Variants in CYB5R3 observed in about 807,000 individuals in gnomAD.
CYB5R3 encodes the protein cytochrome b5 reductase 3.
In CYB5R3, 28 loss-of-function variants were observed where a neutral mutation model predicts 36.5. The observed-to-expected ratio is 0.77, with a 90% CI of 0.57 to 1.05. CYB5R3 has a LOEUF of 1.05. Ranked by LOEUF, CYB5R3 falls within the 50% of genes least tolerant of loss-of-function variation. The pLI, the probability that CYB5R3 is intolerant of heterozygous loss-of-function variation, is 0.00. For synonymous variants in CYB5R3, 181 were observed against 159.8 expected, an observed-to-expected ratio of 1.13 and a Z score of -1.00; for missense variants, 474 against 408.9, an observed-to-expected ratio of 1.16 and a Z score of -1.37.
Position 42,641,049 on chromosome 22 carries a change from G to T in CYB5R3, c.22-4203C>A, listed in dbSNP as rs575933277. On this transcript the variant is annotated intron_variant, in intron 1 of 8. Coordinates refer to ENST00000352397, the MANE Select transcript of CYB5R3 (RefSeq NM_000398.7). ...TTTTTGTATTTTTAGTAGAGACAGG[G>T]TTTCACCATGTTGGCCAGGCTGGTC... Among the ~76,000 whole-genome samples, 11 of 150,658 alleles carry T rather than the reference G, an allele frequency of 7.3e-5. No homozygotes were observed. The South Asian group carries it at 2.1e-3, about 29-fold the overall frequency.
intron 1 of CYB5R3, chr22:42,646,928 G>C (rs1929565736): frequency 3.0e-6 from 3 of 985,568 alleles, no homozygotes; most frequent in Middle Eastern, 5.2e-4. Flanking sequence ...AGCCGGGCTG[G>C]GAGGCAGGGG....
intron 7 of CYB5R3, among the ~76,000 whole-genome samples, chr22:42,625,422 C>G (rs888758203): frequency 6.6e-6 from 1 of 152,134 alleles, no homozygotes; most frequent in Admixed American, 6.5e-5. Context: ...GCAGGACAAT[C>G]GCTTGAACCC....
At chr22:42,640,099 C>T (rs765122495) in intron 1 of CYB5R3, 3 of 1,613,788 alleles carry the variant, frequency 1.9e-6, no homozygotes, top group African/African-American at 2.7e-5. Context: ...AGTCTGAGCA[C>T]TACTGACTAT....
chr22:42,631,134 G>A, intron 3 of CYB5R3, 146 bp from the exon 4 acceptor site: 1 of 837,666 alleles, frequency 1.2e-6, no homozygotes, highest in Non-Finnish European at 1.9e-6. Flanking sequence ...CCCCTCCCGG[G>A]GATTCCCCTC....
In CYB5R3 at chr22:42,638,728, TA is replaced by T. The variant is rs67349863; in HGVS notation, c.22-1883del. 1.1e-3 allele frequency among the ~76,000 whole-genome samples: 53 copies of T among 47,516 alleles called. 1 individual carries two copies. Among genetic ancestry groups the T allele is most frequent in the Admixed American group, 2.7e-3 (10 of 3,712 alleles). The allele number at this position is 47,516 out of a possible 152,430, so 31.2% of individuals were successfully genotyped here. ...GCCTGGGAGACAGAGCAAGACTCCA[TA>T]AAAAAAAAAAAAAAAAAAAAAGGCC... On this transcript the variant is annotated intron_variant, in intron 1 of 8. Coordinates refer to ENST00000352397, the MANE Select transcript of CYB5R3 (RefSeq NM_000398.7).
chr22:42,619,591 C>G lies in CYB5R3; in HGVS notation c.*182G>C, dbSNP rs998844675. 5 of 626,868 alleles carry G rather than the reference C, an allele frequency of 8.0e-6. No individual in the cohort carries two copies. Among genetic ancestry groups the G allele is most frequent in the South Asian group, 7.7e-5 (4 of 52,014 alleles). The allele number at this position is 626,868 out of a possible 1,614,324, so 38.8% of individuals were successfully genotyped here. Reference sequence around the variant, plus strand: ...CTCTGAAGGCTCAGCCGTGGCCCATCTGGGACACAGCCCTGCTCCCGAAGG... The same window carrying G: ...CTCTGAAGGCTCAGCCGTGGCCCATGTGGGACACAGCCCTGCTCCCGAAGG... On this transcript the variant is annotated 3_prime_UTR_variant, in exon 9 of 9. Coordinates refer to ENST00000352397, the MANE Select transcript of CYB5R3 (RefSeq NM_000398.7).
intron 8 of CYB5R3, 80 bp from the exon 9 acceptor site, chr22:42,620,025 A>C: frequency 7.5e-7 from 1 of 1,325,548 alleles, no homozygotes; most frequent in Non-Finnish European, 1.1e-6. Context: ...TAGGCGGTGA[A>C]TTCCTTAAAT....
At chr22:42,646,086 C>G (rs1476457629) in intron 1 of CYB5R3, among the ~76,000 whole-genome samples, 1 of 152,224 alleles carries the variant, frequency 6.6e-6, no homozygotes, top group East Asian at 1.9e-4. Flanking sequence ...GGAACAGGCT[C>G]TGCCCCGTCC....
chr22:42,627,202 A>C, intron 7 of CYB5R3, 102 bp downstream of exon 7: 1 of 993,150 alleles, frequency 1.0e-6, no homozygotes, highest in Non-Finnish European at 1.6e-6. Flanking sequence ...CATCCCCAGA[A>C]TCTCAGCAGA....
chr22:42,627,254 T>A lies in CYB5R3; in HGVS notation c.633+50A>T, dbSNP rs576524933. ...GAACAGCACCTGACCAGGCCCGAAGTCCCCTCTCAGGGTAAGCTGAGTTTC... is the reference window on the plus strand; with the variant it reads ...GAACAGCACCTGACCAGGCCCGAAGACCCCTCTCAGGGTAAGCTGAGTTTC... On this transcript the variant is annotated intron_variant, in intron 7 of 8. Coordinates refer to ENST00000352397, the MANE Select transcript of CYB5R3 (RefSeq NM_000398.7). 1.1e-5 allele frequency: 16 copies of A among 1,510,846 alleles called. No individual in the cohort carries two copies. The East Asian group carries it at 3.6e-4, about 34-fold the overall frequency. The allele number at this position is 1,510,846 out of a possible 1,614,324, so 93.6% of individuals were successfully genotyped here.
intron 8 of CYB5R3, 112 bp from the exon 9 acceptor site, chr22:42,620,057 T>C (rs946846074): frequency 1.8e-6 from 2 of 1,092,542 alleles, no homozygotes; most frequent in African/African-American, 3.1e-5. Context: ...GAGAGGCTGA[T>C]CCCAGCAAAC....
At chr22:42,640,920 G>A (rs12159362) in intron 1 of CYB5R3, among the ~76,000 whole-genome samples, 18 of 151,948 alleles carry the variant, frequency 1.2e-4, no homozygotes, top group African/African-American at 4.1e-4. Context: ...GCAGTGGCAC[G>A]GTCTCAGCTC....
Position 42,619,725 on chromosome 22 carries a change from A to AGGGCGTGGG in CYB5R3, c.*39_*47dup. On this transcript the variant is annotated 3_prime_UTR_variant, in exon 9 of 9. Coordinates refer to ENST00000352397, the MANE Select transcript of CYB5R3 (RefSeq NM_000398.7). ...GGGAGGTGACTGGGTGAGCGTGAACAGGGCGTGGGGTGCGCGGGGCGGGTG... is the reference window on the plus strand; with the variant it reads ...GGGAGGTGACTGGGTGAGCGTGAACAGGGCGTGGGGGGCGTGGGGTGCGCGGGGCGGGTG... 6.6e-7 allele frequency: 1 copy of AGGGCGTGGG among 1,515,664 alleles called. No individual in the cohort carries two copies. Among genetic ancestry groups the AGGGCGTGGG allele is most frequent in the South Asian group, 1.2e-5 (1 of 81,610 alleles). 93.9% of individuals were successfully genotyped at this position (1,515,664 alleles called of 1,614,324 possible).
chr22:42,639,028 C>T, intron 1 of CYB5R3: 1 of 401,900 alleles, frequency 2.5e-6, no homozygotes, highest in Admixed American at 2.9e-5. Flanking sequence ...GAGTGAAACT[C>T]CATCTCAAAA....
chr22:42,645,935 G>C lies in CYB5R3; in HGVS notation c.21+3360C>G, dbSNP rs569975166. 2.6e-5 allele frequency among the ~76,000 whole-genome samples: 4 copies of C among 152,280 alleles called. No homozygotes were observed. In the South Asian group the frequency reaches 8.3e-4, roughly 32 times the overall value. ...GCCAGGAGGCCCCGCCCGAGTTCAA[G>C]CCAGACGGGGAGACAGACACCGGCA... On this transcript the variant is annotated intron_variant, in intron 1 of 8. Transcript: ENST00000352397.
rs890273341 is a variant in CYB5R3, at chr22:42,645,657, C to T, written c.21+3638G>A. Among the ~76,000 whole-genome samples, 5 of 152,304 alleles carry T rather than the reference C, an allele frequency of 3.3e-5. No individual in the cohort carries two copies. In the East Asian group the frequency reaches 5.8e-4, roughly 18 times the overall value. ...GAGCCAGGCGGGCAGCCTCTGCTCACGCCACCTCATTCAGTCCTCAAGCCT... is the reference window on the plus strand; with the variant it reads ...GAGCCAGGCGGGCAGCCTCTGCTCATGCCACCTCATTCAGTCCTCAAGCCT... On this transcript the variant is annotated intron_variant, in intron 1 of 8. Coordinates refer to ENST00000352397, the MANE Select transcript of CYB5R3 (RefSeq NM_000398.7).
chr22:42,624,180 G>C (rs966922383), intron 7 of CYB5R3, among the ~76,000 whole-genome samples: 1 of 152,216 alleles, frequency 6.6e-6, no homozygotes, highest in Non-Finnish European at 1.5e-5. Flanking sequence ...GGGAAAAATG[G>C]AAAAAACTAA....
chr22:42,628,848 G>A (rs1362682207), intron 4 of CYB5R3, among the ~76,000 whole-genome samples: 1 of 152,290 alleles, frequency 6.6e-6, no homozygotes, highest in East Asian at 1.9e-4. Flanking sequence ...CTGATGGATG[G>A]AGAAGGGGAA....
chr22:42,623,630 T>C (rs879633020), intron 8 of CYB5R3, among the ~76,000 whole-genome samples, 159 bp downstream of exon 8: 11 of 152,164 alleles, frequency 7.2e-5, no homozygotes, highest in Non-Finnish European at 1.2e-4. Flanking sequence ...AGTGAGCCCT[T>C]GTTCCTCATC....
Sources: gnomAD v4.1 joint callset for allele counts (sites outside exome capture counted in the v4.1 genomes callset) on GRCh38, gnomAD v4.1.1 for gene constraint, MANE v1.5 for transcripts, NCBI Gene and HGNC (gene_info 2026-07-23, HGNC 2026-07-21) for gene names.